NYAP2: variants seen among roughly 807,000 people sequenced by gnomAD.
NYAP2 encodes neuronal tyrosine-phosphorylated phosphoinositide-3-kinase adaptor 2.
A neutral mutation model predicts 50.4 loss-of-function variants in NYAP2; 23 were observed. That is an observed-to-expected ratio of 0.46 (90% CI 0.33 to 0.65). NYAP2 has a LOEUF of 0.65. Ranked by LOEUF, NYAP2 falls within the 30% of genes least tolerant of loss-of-function variation. The pLI, the probability that NYAP2 is intolerant of heterozygous loss-of-function variation, is 0.02. For missense variants in NYAP2, 885 were observed against 861.0 expected (o/e 1.03, Z -0.35); for synonymous variants, 394 against 365.2 (o/e 1.08, Z -0.90).
chr2:225,426,414 C>T (rs1022530564), intron 3 of NYAP2, among the ~76,000 whole-genome samples: 2 of 152,160 alleles, frequency 1.3e-5, no homozygotes, highest in Non-Finnish European at 2.9e-5. Flanking sequence ...TCAGTGTGAA[C>T]TCTTATCCAC....
intron 4 of NYAP2, among the ~76,000 whole-genome samples, chr2:225,565,591 C>G (rs866248255): frequency 3.9e-5 from 6 of 152,186 alleles, no homozygotes; most frequent in African/African-American, 1.4e-4. Context: ...AGCATATGCT[C>G]TCCTATCTTC....
chr2:225,424,982 C>T (rs2106129316), intron 3 of NYAP2, among the ~76,000 whole-genome samples: 1 of 152,232 alleles, frequency 6.6e-6, no homozygotes, highest in South Asian at 2.1e-4. Flanking sequence ...AGTGGTATGT[C>T]TAAACTGACA....
At chr2:225,655,950 ACACC>A (rs1693818749), downstream of NYAP2, among the ~76,000 whole-genome samples, 2 of 151,588 alleles carry the variant, frequency 1.3e-5, no homozygotes, top group Non-Finnish European at 2.9e-5. Flanking sequence ...ACACACACAC[ACACC>A]AACACAATCT....
At chr2:225,497,592 T>C (rs1690530154) in intron 3 of NYAP2, among the ~76,000 whole-genome samples, 1 of 152,222 alleles carries the variant, frequency 6.6e-6, no homozygotes, top group Admixed American at 6.5e-5. Context: ...GAATAAAACC[T>C]GACCTGGGTT....
At chr2:225,591,142 TC>T (rs1374706245) in intron 5 of NYAP2, among the ~76,000 whole-genome samples, 1 of 152,088 alleles carries the variant, frequency 6.6e-6, no homozygotes, top group African/African-American at 2.4e-5. Flanking sequence ...GAGCTGTGAC[TC>T]AGAACAAAGG....
intron 3 of NYAP2, among the ~76,000 whole-genome samples, chr2:225,426,885 G>A (rs570585131): frequency 2.0e-5 from 3 of 152,240 alleles, no homozygotes; most frequent in East Asian, 1.9e-4. Flanking sequence ...AACTAATCCC[G>A]TATTTTACAG....
chr2:225,665,615 C>A, the NYAP2 span, among the ~76,000 whole-genome samples: 3,393 of 149,890 alleles, frequency 0.023, 149 homozygotes, highest in African/African-American at 0.079. Flanking sequence ...TGGAGACCAG[C>A]CTGACCAACA....
At chr2:225,432,058 C>T (rs990966268) in intron 3 of NYAP2, among the ~76,000 whole-genome samples, 11 of 152,038 alleles carry the variant, frequency 7.2e-5, no homozygotes, top group African/African-American at 2.2e-4. Flanking sequence ...CAAGCTCCGT[C>T]TCCCAGGTTC....
At chr2:225,567,818 A>T (rs189867190) in intron 4 of NYAP2, among the ~76,000 whole-genome samples, 2 of 152,308 alleles carry the variant, frequency 1.3e-5, no homozygotes, top group East Asian at 3.9e-4. Flanking sequence ...TGAAGGGCAT[A>T]TGAAGAAGCC....
At chr2:225,656,998 T>C (rs1693839801), downstream of NYAP2, among the ~76,000 whole-genome samples, 1 of 152,032 alleles carries the variant, frequency 6.6e-6, no homozygotes, top group Admixed American at 6.6e-5. Context: ...AGATAGTACA[T>C]TTGCACATAA....
intron 6 of NYAP2, among the ~76,000 whole-genome samples, chr2:225,631,751 A>G (rs1693319139): frequency 1.3e-5 from 2 of 152,292 alleles, no homozygotes; most frequent in East Asian, 1.9e-4. Context: ...AATGCCAAAA[A>G]TGGCAAAAAT....
intron 4 of NYAP2, among the ~76,000 whole-genome samples, chr2:225,575,785 G>A (rs1692160487): frequency 6.6e-6 from 1 of 152,178 alleles, no homozygotes; most frequent in South Asian, 2.1e-4. Context: ...TCAATTACTG[G>A]AGACTGTCAG....
chr2:225,492,801 G>A (rs963274612), intron 3 of NYAP2, among the ~76,000 whole-genome samples: 3 of 152,052 alleles, frequency 2.0e-5, no homozygotes, highest in South Asian at 2.1e-4. Flanking sequence ...CTCATGAGAA[G>A]TAATTTATTA....
intron 4 of NYAP2, among the ~76,000 whole-genome samples, chr2:225,525,616 C>G (rs1177468345): frequency 2.0e-5 from 3 of 152,088 alleles, no homozygotes; most frequent in Non-Finnish European, 4.4e-5. Flanking sequence ...ACATTGGAGA[C>G]TCCAAGAGGT....
At chr2:225,517,583 A>G (rs1027917096) in intron 4 of NYAP2, among the ~76,000 whole-genome samples, 2 of 152,188 alleles carry the variant, frequency 1.3e-5, no homozygotes, top group Non-Finnish European at 2.9e-5. Flanking sequence ...AAATGATCAG[A>G]TCCTGCATCC....
chr2:225,503,662 T>A (rs1356636358), intron 3 of NYAP2, among the ~76,000 whole-genome samples: 1 of 152,162 alleles, frequency 6.6e-6, no homozygotes, highest in Non-Finnish European at 1.5e-5. Flanking sequence ...AATATTAACC[T>A]CAAACTCTTG....
At chr2:225,549,085 T>C (rs1252532643) in intron 4 of NYAP2, among the ~76,000 whole-genome samples, 3 of 152,166 alleles carry the variant, frequency 2.0e-5, no homozygotes, top group African/African-American at 7.2e-5. Flanking sequence ...TTTGTCATTC[T>C]GGCCAGGCTG....
At chr2:225,428,399 A>G (rs1695316958) in intron 3 of NYAP2, among the ~76,000 whole-genome samples, 1 of 152,142 alleles carries the variant, frequency 6.6e-6, no homozygotes, top group African/African-American at 2.4e-5. Context: ...TTTCCTACTC[A>G]GGTACCCTCT....
intron 6 of NYAP2, among the ~76,000 whole-genome samples, chr2:225,645,093 C>T (rs1377536797): frequency 6.6e-6 from 1 of 152,090 alleles, no homozygotes; most frequent in Non-Finnish European, 1.5e-5. Context: ...AACCCTGTCT[C>T]TGCTAAAAAT....
Sources: allele counts gnomAD v4.1 joint callset (sites outside exome capture counted in the v4.1 genomes callset), GRCh38; gene constraint gnomAD v4.1.1; transcripts MANE v1.5; gene names NCBI Gene and HGNC (gene_info 2026-07-23, HGNC 2026-07-21).